SH3PXD2B: variants seen among roughly 807,000 people sequenced by gnomAD.
SH3PXD2B encodes SH3 and PX domains 2B.
In SH3PXD2B, 37 loss-of-function variants were observed where a neutral mutation model predicts 73.1. The observed-to-expected ratio is 0.51, with a 90% CI of 0.39 to 0.67. The LOEUF (loss-of-function observed/expected upper bound fraction) is 0.67, where lower values mean the gene tolerates loss of function less well. Among genes scored for constraint, SH3PXD2B ranks in the 30% least tolerant of loss-of-function variants. The pLI, the probability that SH3PXD2B is intolerant of heterozygous loss-of-function variation, is 0.00. For missense variants in SH3PXD2B, 1,053 were observed against 1,197.8 expected (o/e 0.88, Z 1.78); for synonymous variants, 457 against 480.5 (o/e 0.95, Z 0.64).
chr5:172,368,671 TATAA>T (rs1757621415), intron 6 of SH3PXD2B, among the ~76,000 whole-genome samples: 1 of 39,504 alleles, frequency 2.5e-5, no homozygotes, highest in South Asian at 1.1e-3. Context: ...ATTATATATA[TATAA>T]AATATATATG....
intron 1 of SH3PXD2B, among the ~76,000 whole-genome samples, chr5:172,428,951 G>C (rs1358511059): frequency 6.6e-6 from 1 of 152,124 alleles, no homozygotes; most frequent in Non-Finnish European, 1.5e-5. Flanking sequence ...ATGAGGTTGG[G>C]TGCCCCTGCT....
chr5:172,417,385 G>A (rs1758850350), intron 2 of SH3PXD2B, among the ~76,000 whole-genome samples: 1 of 152,130 alleles, frequency 6.6e-6, no homozygotes, highest in South Asian at 2.1e-4. Context: ...CAACTGGCCT[G>A]GACACAAAGA....
chr5:172,438,694 C>A (rs1430705210), intron 1 of SH3PXD2B, among the ~76,000 whole-genome samples: 2 of 152,074 alleles, frequency 1.3e-5, no homozygotes, highest in Admixed American at 1.3e-4. Context: ...TGGCAAAAAA[C>A]AGAATACCCA....
Position 172,339,268 on chromosome 5 carries a change from G to A in SH3PXD2B, c.1837C>T (p.Arg613Trp), listed in dbSNP as rs958705626. 3.2e-5 allele frequency: 52 copies of A among 1,614,086 alleles called. No individual in the cohort carries two copies. The highest frequency in any genetic ancestry group is 3.9e-5 in the Non-Finnish European group (46 of 1,180,052). The part of the protein sequence containing the change: ...LAKEVKKPNL[R>W]PISKSKTDLP... ...TCAGTTTTGGATTTGGAGATGGGCC[G>A]GAGGTTGGGCTTCTTCACTTCCTTG... Residue 613 changes from arginine to tryptophan, a missense_variant, in exon 13 of 13, where the codon CGG becomes TGG. By Grantham distance (101) the Arg-to-Trp change is moderately radical. Transcript: ENST00000311601. This position sits in a 1 kb window ranked among gnomAD's most constrained non-coding sequence, Gnocchi z 6.1.
intron 1 of SH3PXD2B, among the ~76,000 whole-genome samples, chr5:172,425,715 G>C (rs1005592803): frequency 7.9e-5 from 12 of 151,968 alleles, no homozygotes; most frequent in African/African-American, 2.4e-4. Flanking sequence ...GAAGGGGTGG[G>C]GGAGGCGTGC....
At position 172,335,939 on chromosome 5, in the gene SH3PXD2B, G is replaced by C; in HGVS notation, c.*2430C>G. 1 of 1,143,220 alleles carries C rather than the reference G, an allele frequency of 8.7e-7. No homozygotes were observed. Among genetic ancestry groups the C allele is most frequent in the Non-Finnish European group, 1.1e-6 (1 of 932,430 alleles). 70.8% of individuals were successfully genotyped at this position (1,143,220 alleles called of 1,614,324 possible). A position where few individuals can be genotyped will look rare whatever the true frequency, so the allele number is the denominator to read the frequency against. On this transcript the variant is annotated 3_prime_UTR_variant, in exon 13 of 13. Transcript: ENST00000311601. ...AATAATCATCATCATCATAGCAAAAGAGAATGGCAGATTCTTTCATTTGCA... is the reference window on the plus strand; with the variant it reads ...AATAATCATCATCATCATAGCAAAACAGAATGGCAGATTCTTTCATTTGCA...
downstream of SH3PXD2B, among the ~76,000 whole-genome samples, chr5:172,331,406 G>A (rs1423568799): frequency 6.6e-6 from 1 of 152,186 alleles, no homozygotes; most frequent in Non-Finnish European, 1.5e-5. Context: ...CTTTCGACAA[G>A]CTCCCTGGTG....
chr5:172,334,963 C>A lies in SH3PXD2B; in HGVS notation c.*3406G>T. On this transcript the variant is annotated 3_prime_UTR_variant, in exon 13 of 13. Coordinates refer to ENST00000311601, the MANE Select transcript of SH3PXD2B (RefSeq NM_001017995.3). ...CAGAGGTTTAAAATGACTACCGTAA[C>A]CTGGCATGGGCTCCAGCGATCCCCC... 1.0e-6 allele frequency: 1 copy of A among 985,398 alleles called. No homozygotes were observed. The highest frequency in any genetic ancestry group is 1.2e-6 in the Non-Finnish European group (1 of 829,950). 61.0% of individuals were successfully genotyped at this position (985,398 alleles called of 1,614,324 possible). A position where few individuals can be genotyped will look rare whatever the true frequency, so the allele number is the denominator to read the frequency against.
rs761259375 is a variant in SH3PXD2B, at chr5:172,339,375, C to T, written c.1730G>A (p.Arg577Lys). 1.9e-6 allele frequency: 3 copies of T among 1,614,076 alleles called. No individual in the cohort carries two copies. The highest frequency in any genetic ancestry group is 2.5e-6 in the Non-Finnish European group (3 of 1,180,048). ...GCTTTTGTCAGGTTTGGGCTCTGGC[C>T]TCCTGCTGTCCCGGGCTGGAGGGAT... Reference protein sequence around the residue: ...KHIPPARDSRRPEPKPDKSRL... With the variant: ...KHIPPARDSRKPEPKPDKSRL... Residue 577 changes from arginine (R) to lysine (K), a missense_variant, in exon 13 of 13, where the codon AGG (arginine) becomes AAG (lysine). Around this residue, in one of 2 missense-constraint regions of SH3PXD2B, gnomAD observed 587 missense variants for 590.7 expected, o/e 0.99. Transcript: ENST00000311601. The surrounding 1 kb of genome is among the most constrained non-coding windows in gnomAD (Gnocchi z 6.1).
rs1759647989 is a variant in SH3PXD2B, at chr5:172,445,887, A to C, written c.75+8391T>G. On this transcript the variant is annotated intron_variant, in intron 1 of 12. Transcript: ENST00000311601. The surrounding 1 kb of genome is among the most constrained non-coding windows in gnomAD (Gnocchi z 5.2). ...CAAATAAGGGAGGAGAAAGTCCTGC[A>C]GTTTGGAGAATGGGGCAGAGGCCGA... Among the ~76,000 whole-genome samples the C allele has an allele frequency of 6.6e-6, 1 of 152,190 alleles. No individual in the cohort carries two copies.
At chr5:172,373,696 C>T in intron 6 of SH3PXD2B, 94 bp downstream of exon 6, 1 of 1,412,140 alleles carries the variant, frequency 7.1e-7, no homozygotes, top group Non-Finnish European at 9.8e-7. Context: ...TCACTGTATC[C>T]TCAGCATGGA....
rs1433928749 is a variant in SH3PXD2B, at chr5:172,336,783, G to A, written c.*1586C>T. 3 of 985,508 alleles carry A rather than the reference G, an allele frequency of 3.0e-6. No individual in the cohort carries two copies. The highest frequency in any genetic ancestry group is 3.5e-5 in the African/African-American group (2 of 57,228). 61.0% of individuals were successfully genotyped at this position (985,508 alleles called of 1,614,324 possible). ...GCTCTGCTCTCTTACTCTGGGCTGG[G>A]AGCTAGAAATGCTGGGTCCTGATTT... is the stretch of plus-strand genomic sequence containing the variant. On this transcript the variant is annotated 3_prime_UTR_variant, in exon 13 of 13. Coordinates refer to ENST00000311601, the MANE Select transcript of SH3PXD2B (RefSeq NM_001017995.3).
downstream of SH3PXD2B, among the ~76,000 whole-genome samples, chr5:172,328,897 G>A (rs1443443073): frequency 6.6e-6 from 1 of 151,712 alleles, no homozygotes; most frequent in Non-Finnish European, 1.5e-5. Flanking sequence ...CACATGGAAG[G>A]GAACAAACCA....
intron 1 of SH3PXD2B, among the ~76,000 whole-genome samples, chr5:172,425,661 C>A (rs1759079266): frequency 6.6e-6 from 1 of 151,786 alleles, no homozygotes; most frequent in African/African-American, 2.4e-5. Flanking sequence ...GAGGGGCTTG[C>A]AGGCCACAGA....
chr5:172,326,857 A>ATTTTTTT (rs1175095358), intron 12 of SH3PXD2B, among the ~76,000 whole-genome samples: 4 of 135,614 alleles, frequency 2.9e-5, no homozygotes, highest in African/African-American at 1.1e-4. Context: ...ATGTCTCAAG[A>ATTTTTTT]TTTTTTTTTT....
chr5:172,340,119 A>T (rs1382596023), intron 12 of SH3PXD2B, among the ~76,000 whole-genome samples: 1 of 152,226 alleles, frequency 6.6e-6, no homozygotes, highest in African/African-American at 2.4e-5. Flanking sequence ...GTCTTGTCGT[A>T]TGGGACTCCC....
intron 1 of SH3PXD2B, among the ~76,000 whole-genome samples, chr5:172,424,985 T>C (rs1759062469): frequency 6.6e-6 from 1 of 152,140 alleles, no homozygotes; most frequent in South Asian, 2.1e-4. Flanking sequence ...CCCTTCTTCC[T>C]TGTTTGCGCT....
At chr5:172,409,020 T>C (rs1487241028) in intron 2 of SH3PXD2B, among the ~76,000 whole-genome samples, 1 of 152,164 alleles carries the variant, frequency 6.6e-6, no homozygotes, top group Admixed American at 6.6e-5. Flanking sequence ...TATTCAATGT[T>C]TTCTTTCCAG....
chr5:172,402,561 A>G (rs1022234378), intron 3 of SH3PXD2B, among the ~76,000 whole-genome samples: 2 of 152,178 alleles, frequency 1.3e-5, no homozygotes, highest in African/African-American at 2.4e-5. Context: ...TCCCCCAGAC[A>G]CCAGCTTTAA....
Sources: gnomAD v4.1 joint callset for allele counts (sites outside exome capture counted in the v4.1 genomes callset) on GRCh38, gnomAD v4.1.1 for gene constraint, gnomAD v4.1.1 regional missense constraint, Gnocchi (gnomAD v3.1) non-coding constraint, MANE v1.5 for transcripts, NCBI Gene and HGNC (gene_info 2026-07-23, HGNC 2026-07-21) for gene names.